Variants in PLAGL1 observed in about 807,000 individuals in gnomAD.
The protein encoded by PLAGL1 is PLAG1 like zinc finger 1.
Under a neutral mutation model 4.6 loss-of-function variants are expected in PLAGL1, and 1 was observed. That is an observed-to-expected ratio of 0.22 (90% CI 0.08 to 1.03). PLAGL1 has a LOEUF of 1.03. Ranked by LOEUF, PLAGL1 falls within the 50% of genes least tolerant of loss-of-function variation. The pLI is 0.58. For synonymous variants in PLAGL1, 240 were observed against 237.8 expected (o/e 1.01, Z -0.08); for missense variants, 464 against 570.4 (o/e 0.81, Z 1.90).
At position 143,975,250 on chromosome 6, in the gene PLAGL1, GT is replaced by G; in HGVS notation, c.-543-6273del. On this transcript the variant is annotated intron_variant, in intron 2 of 7. Transcript: ENST00000674357. The surrounding 1 kb of genome is among the most constrained non-coding windows in gnomAD (Gnocchi z 5.8). ...AGGTTATATTAAATAAGTCATCCTAGTTTTTGAGGCCAATGGGTTGTACCAC... is the reference window on the plus strand; with the variant it reads ...AGGTTATATTAAATAAGTCATCCTAGTTTTGAGGCCAATGGGTTGTACCAC... 6.6e-6 allele frequency among the ~76,000 whole-genome samples: 1 copy of G among 152,280 alleles called. No homozygotes were observed. The highest frequency in any genetic ancestry group is 1.9e-4 in the East Asian group (1 of 5,190).
chr6:143,998,218 G>A (rs577375330), intron 1 of PLAGL1, among the ~76,000 whole-genome samples: 2 of 152,242 alleles, frequency 1.3e-5, no homozygotes, highest in South Asian at 2.1e-4. Flanking sequence ...AACTATCATG[G>A]TCACCAAAGT....
At chr6:143,987,129 T>C (rs752126882) in intron 1 of PLAGL1, among the ~76,000 whole-genome samples, 3 of 152,168 alleles carry the variant, frequency 2.0e-5, no homozygotes, top group Non-Finnish European at 4.4e-5. Context: ...AATGCTTACA[T>C]CTTACGAGAT....
At chr6:144,031,472 T>G (rs1400472148) in intron 1 of PLAGL1, among the ~76,000 whole-genome samples, 2 of 152,252 alleles carry the variant, frequency 1.3e-5, no homozygotes, top group African/African-American at 4.8e-5. Context: ...CTAGAACTTT[T>G]ACAGTTTCAG....
intron 1 of PLAGL1, among the ~76,000 whole-genome samples, chr6:144,024,739 G>C (rs1460506461): frequency 6.6e-6 from 1 of 152,180 alleles, no homozygotes; most frequent in Non-Finnish European, 1.5e-5. Flanking sequence ...GTATGTCAAA[G>C]GGACACGAGC....
chr6:144,060,401 G>C (rs573495071), intron 1 of PLAGL1, among the ~76,000 whole-genome samples: 5 of 152,048 alleles, frequency 3.3e-5, no homozygotes, highest in African/African-American at 1.2e-4. Flanking sequence ...TTTCCTCATT[G>C]CTCCCCAGGT....
At chr6:144,031,018 A>G (rs1258788987) in intron 1 of PLAGL1, among the ~76,000 whole-genome samples, 1 of 151,944 alleles carries the variant, frequency 6.6e-6, no homozygotes, top group African/African-American at 2.4e-5. Context: ...CCACACCAAC[A>G]TCTGTATTTT....
In PLAGL1 at chr6:143,975,865, T is replaced by C. The variant is rs1177462350; in HGVS notation, c.-543-6887A>G. On this transcript the variant is annotated intron_variant, in intron 2 of 7. Transcript: ENST00000674357. This position sits in a 1 kb window ranked among gnomAD's most constrained non-coding sequence, Gnocchi z 5.8. ...GCCATTTCGAGTAGAAATGTATTGGTAAAAGAAGAAATTCACAGACTGTTA... is the reference window on the plus strand; with the variant it reads ...GCCATTTCGAGTAGAAATGTATTGGCAAAAGAAGAAATTCACAGACTGTTA... Among the ~76,000 whole-genome samples the C allele has an allele frequency of 6.6e-6, 1 of 152,208 alleles. No homozygotes were observed. Among genetic ancestry groups the C allele is most frequent in the Non-Finnish European group, 1.5e-5 (1 of 68,034 alleles).
Position 143,941,276 on chromosome 6 carries a change from G to A in PLAGL1, c.*148C>T, listed in dbSNP as rs1024317866. The A allele has an allele frequency of 5.0e-5, 29 of 585,638 alleles. No homozygotes were observed. Among genetic ancestry groups the A allele is most frequent in the Non-Finnish European group, 5.4e-5 (19 of 352,028 alleles). The allele number at this position is 585,638 out of a possible 1,614,324, so 36.3% of individuals were successfully genotyped here. On this transcript the variant is annotated 3_prime_UTR_variant, in exon 8 of 8. Coordinates refer to ENST00000674357, the MANE Select transcript of PLAGL1 (RefSeq NM_001317162.2). This position sits in a 1 kb window ranked among gnomAD's most constrained non-coding sequence, Gnocchi z 6.0. ...CAGATTGGCACAATACATGCAGTTC[G>A]AGAATTCTCTTATCATCTCAAGCCA...
At position 143,962,402 on chromosome 6, in the gene PLAGL1, T is replaced by C. The variant is rs1174549507; in HGVS notation, c.-398-1860A>G. Among the ~76,000 whole-genome samples, 1 of 152,228 alleles carries C rather than the reference T, an allele frequency of 6.6e-6. No homozygotes were observed. The highest frequency in any genetic ancestry group is 1.9e-4 in the East Asian group (1 of 5,204). ...CTATAAAATTAAACAATCCTAAAGATAAATGTTTCCGAGTTCCAGAGTAAC... is the reference window on the plus strand; with the variant it reads ...CTATAAAATTAAACAATCCTAAAGACAAATGTTTCCGAGTTCCAGAGTAAC... On this transcript the variant is annotated intron_variant, in intron 5 of 7. Transcript: ENST00000674357. The surrounding 1 kb of genome is among the most constrained non-coding windows in gnomAD (Gnocchi z 5.3).
intron 7 of PLAGL1, among the ~76,000 whole-genome samples, chr6:143,944,401 C>T (rs900547304): frequency 6.6e-6 from 1 of 152,046 alleles, no homozygotes; most frequent in South Asian, 2.1e-4. Context: ...ATCGAACTGT[C>T]ATTTTCTTAA....
chr6:143,969,216 A>T (rs756092822), intron 2 of PLAGL1, among the ~76,000 whole-genome samples: 4 of 152,044 alleles, frequency 2.6e-5, no homozygotes, highest in Non-Finnish European at 4.4e-5. Context: ...GATGTGGTTA[A>T]GACCACAGTA....
intron 1 of PLAGL1, among the ~76,000 whole-genome samples, chr6:144,060,066 T>A (rs952458035): frequency 7.3e-5 from 11 of 151,520 alleles, no homozygotes; most frequent in South Asian, 2.1e-4. Flanking sequence ...TTTTTTTTTT[T>A]AAATAGGGTC....
In PLAGL1 at chr6:143,942,289, A is replaced by C; in HGVS notation, c.527T>G (p.Val176Gly). The change falls in exon 8 of 8, where the codon GTG becomes GGG. Residue 176 changes from valine to glycine, a missense_variant. Coordinates refer to ENST00000674357, the MANE Select transcript of PLAGL1 (RefSeq NM_001317162.2). This position sits in a 1 kb window ranked among gnomAD's most constrained non-coding sequence, Gnocchi z 7.6. ...GAAGTCCTTGCATCCTGTGTGGACC[A>C]CCAGGTGGCGTCGCACATCCTTCCG... ...YTRKDVRRHL[V>G]VHTGCKDFLC... The C allele has an allele frequency of 1.2e-6, 2 of 1,613,982 alleles. No individual in the cohort carries two copies. Among genetic ancestry groups the C allele is most frequent in the Non-Finnish European group, 1.7e-6 (2 of 1,179,970 alleles).
intron 2 of PLAGL1, 90 bp from the exon 3 acceptor site, chr6:143,969,068 C>T (rs1784943335): frequency 6.6e-6 from 1 of 151,654 alleles, no homozygotes; most frequent in Non-Finnish European, 1.5e-5. Flanking sequence ...TTTACCTAAT[C>T]AGAATATGAG....
chr6:144,010,387 A>G (rs563425347), upstream of PLAGL1, among the ~76,000 whole-genome samples: 1 of 152,354 alleles, frequency 6.6e-6, no homozygotes, highest in Middle Eastern at 3.4e-3. This position sits in a 1 kb window ranked among gnomAD's most constrained non-coding sequence, Gnocchi z 4.1. Context: ...CTAGGAATAC[A>G]ACTTACAAGA....
In PLAGL1 at chr6:143,990,081, A is replaced by G. The variant is rs1790106207; in HGVS notation, c.-583-4907T>C. On this transcript the variant is annotated intron_variant, in intron 1 of 7. Transcript: ENST00000674357. This position sits in a 1 kb window ranked among gnomAD's most constrained non-coding sequence, Gnocchi z 5.4. ...TATCTTCTCCCTTTTTACTAAAGAT[A>G]CTTGTCATCGACACATACTATGCTC... is the stretch of plus-strand genomic sequence containing the variant. Among the ~76,000 whole-genome samples, 1 of 152,080 alleles carries G rather than the reference A, an allele frequency of 6.6e-6. No homozygotes were observed. Among genetic ancestry groups the G allele is most frequent in the Non-Finnish European group, 1.5e-5 (1 of 68,002 alleles).
At chr6:144,038,245 T>A (rs147488221) in intron 1 of PLAGL1, among the ~76,000 whole-genome samples, 27 of 152,370 alleles carry the variant, frequency 1.8e-4, no homozygotes, top group Non-Finnish European at 3.4e-4. Context: ...TTATTGTTTG[T>A]TTGTTTGAAC....
In PLAGL1 at chr6:143,959,263, GAGAC is replaced by G. The variant is rs952731343; in HGVS notation, c.-325+1202_-325+1205del. 6.6e-6 allele frequency among the ~76,000 whole-genome samples: 1 copy of G among 152,142 alleles called. No homozygotes were observed. Among genetic ancestry groups the G allele is most frequent in the African/African-American group, 2.4e-5 (1 of 41,434 alleles). ...CTTTGGCTGGCCCCCTTCAGCTCCT[GAGAC>G]AGACAAGGCCTGCTGTGTTAGCCAC... On this transcript the variant is annotated intron_variant, in intron 6 of 7. Coordinates refer to ENST00000674357, the MANE Select transcript of PLAGL1 (RefSeq NM_001317162.2). This position sits in a 1 kb window ranked among gnomAD's most constrained non-coding sequence, Gnocchi z 5.3.
chr6:144,031,723 AC>A (rs1796846026), intron 1 of PLAGL1, among the ~76,000 whole-genome samples: 1 of 152,124 alleles, frequency 6.6e-6, no homozygotes, highest in Non-Finnish European at 1.5e-5. Flanking sequence ...CTATTTTTAT[AC>A]CAGTACCATG....
Sources: gnomAD v4.1 joint callset for allele counts (sites outside exome capture counted in the v4.1 genomes callset) on GRCh38, gnomAD v4.1.1 for gene constraint, Gnocchi (gnomAD v3.1) non-coding constraint, MANE v1.5 for transcripts, NCBI Gene and HGNC (gene_info 2026-07-23, HGNC 2026-07-21) for gene names.